Variants in PLCB4 observed in about 807,000 individuals in gnomAD.
PLCB4 encodes the protein 1-phosphatidylinositol 4,5-bisphosphate phosphodiesterase beta-4.
PLCB4 carries 77 observed loss-of-function variants against 178.8 expected under a neutral mutation model. That is an observed-to-expected ratio of 0.43 (90% confidence interval 0.36 to 0.52). The LOEUF is 0.52. PLCB4 is among the 20% of genes least tolerant of loss of function. PLCB4 has a pLI of 0.00. For missense variants in PLCB4, 1,024 were observed against 1,453.4 expected, an observed-to-expected ratio of 0.70 and a Z score of 4.80; for synonymous variants, 496 against 490.8, an observed-to-expected ratio of 1.01 and a Z score of -0.14.
At chr20:9,415,920 A>T (rs2040211951) in intron 25 of PLCB4, among the ~76,000 whole-genome samples, 1 of 152,132 alleles carries the variant, frequency 6.6e-6, no homozygotes, top group Admixed American at 6.6e-5. Flanking sequence ...CACAGCCACC[A>T]GGGATATGAG....
At chr20:9,362,839 G>A in intron 7 of PLCB4, 57 bp from the exon 8 acceptor site, 2 of 1,042,746 alleles carry the variant, frequency 1.9e-6, no homozygotes, top group Non-Finnish European at 3.0e-6. Context: ...AATAAAAACT[G>A]CTCTATTTGA....
intron 1 of PLCB4, among the ~76,000 whole-genome samples, chr20:9,079,480 C>T (rs1204517053): frequency 6.6e-6 from 1 of 152,180 alleles, no homozygotes; most frequent in Non-Finnish European, 1.5e-5. Context: ...ATATATATAC[C>T]TTCCTCACTC....
chr20:9,452,311 C>CA (rs2122280656), intron 32 of PLCB4, among the ~76,000 whole-genome samples: 1 of 152,184 alleles, frequency 6.6e-6, no homozygotes, highest in East Asian at 1.9e-4. Context: ...TCAAGCCTAC[C>CA]TTAGAAAGAA....
chr20:9,139,992 G>C (rs999883695), intron 2 of PLCB4, among the ~76,000 whole-genome samples: 1 of 152,082 alleles, frequency 6.6e-6, no homozygotes, highest in Non-Finnish European at 1.5e-5. Context: ...TTCCTCTGAG[G>C]CTTGAGATAA....
intron 39 of PLCB4, among the ~76,000 whole-genome samples, chr20:9,478,170 C>T (rs1285984162): frequency 6.6e-6 from 1 of 152,160 alleles, no homozygotes; most frequent in African/African-American, 2.4e-5. Flanking sequence ...AAGTATTTCT[C>T]ACCAGACACT....
chr20:9,478,793 T>G, intron 39 of PLCB4, 128 bp from the exon 40 acceptor site: 1 of 709,358 alleles, frequency 1.4e-6, no homozygotes, highest in Admixed American at 2.1e-5. Flanking sequence ...TGCTTGTACA[T>G]GGACCATATT....
rs934057690 is a variant in PLCB4, at chr20:9,476,892, C to T, written c.3532+139C>T. 1.8e-5 allele frequency: 11 copies of T among 608,954 alleles called. No homozygotes were observed. In the Admixed American group the frequency reaches 2.2e-4, roughly 12 times the overall value. The allele number at this position is 608,954 out of a possible 1,614,324, so 37.7% of individuals were successfully genotyped here. A position where few individuals can be genotyped will look rare whatever the true frequency, so the allele number is the denominator to read the frequency against. On this transcript the variant is annotated intron_variant, in intron 39 of 39. Coordinates refer to ENST00000378473, the MANE Select transcript of PLCB4 (RefSeq NM_001377142.1). ...TTTGGATTTAAAAGCTTGACTATTC[C>T]ATGCTTGGATTTCTGATGTCATATT...
At chr20:9,099,550 G>C (rs564260241) in intron 2 of PLCB4, among the ~76,000 whole-genome samples, 1 of 152,002 alleles carries the variant, frequency 6.6e-6, no homozygotes, top group Non-Finnish European at 1.5e-5. Flanking sequence ...TGTGGCTAGA[G>C]GGCAGCACAT....
At chr20:9,070,115 C>T (rs2089490551) in intron 1 of PLCB4, among the ~76,000 whole-genome samples, 1 of 151,780 alleles carries the variant, frequency 6.6e-6, no homozygotes, top group South Asian at 2.1e-4. Context: ...TTCTTTTTGT[C>T]TGGAAATAAC....
chr20:9,238,085 C>T (rs992679646), intron 3 of PLCB4, among the ~76,000 whole-genome samples: 3 of 152,122 alleles, frequency 2.0e-5, no homozygotes, highest in African/African-American at 7.2e-5. Flanking sequence ...ACTTGGACAC[C>T]ACTGGGGAGG....
chr20:9,434,918 A>G (rs141674041), intron 28 of PLCB4, among the ~76,000 whole-genome samples: 1 of 152,350 alleles, frequency 6.6e-6, no homozygotes, highest in African/African-American at 2.4e-5. Flanking sequence ...TAAATTGTGC[A>G]CGATTATATG....
At chr20:9,290,739 C>T (rs747146805) in intron 3 of PLCB4, among the ~76,000 whole-genome samples, 2 of 151,986 alleles carry the variant, frequency 1.3e-5, no homozygotes, top group Non-Finnish European at 2.9e-5. Flanking sequence ...ATGTGGCTTT[C>T]ATTTTTTCAT....
In PLCB4 at chr20:9,423,736, T is replaced by C. The variant is rs2040809371; in HGVS notation, c.2320-12T>C. 6.2e-7 allele frequency: 1 copy of C among 1,610,090 alleles called. No individual in the cohort carries two copies. The highest frequency in any genetic ancestry group is 8.5e-7 in the Non-Finnish European group (1 of 1,176,862). ...ATTGGAAAAATCAGTGAAAGTCCTG[T>C]TCTGTTTGCAGGTGATCCTGCCGGA... On this transcript the variant is annotated splice_polypyrimidine_tract_variant and intron_variant, in intron 27 of 39. Coordinates refer to ENST00000378473, the MANE Select transcript of PLCB4 (RefSeq NM_001377142.1).
rs773348219 is a variant in PLCB4, at chr20:9,437,126, T to C, written c.2738T>C (p.Leu913Pro). ...SELRPTTTAA[L>P]ASGVEAKKGI... The stretch of plus-strand genomic sequence containing the variant: ...CTCAGACCAACCACCACGGCTGCCC[T>C]GGCCTCTGGTGTGGAAGCCAAGAAA... The change falls in exon 30 of 40, where the codon CTG (leucine) becomes CCG (proline). Residue 913 changes from leucine (L) to proline (P), a missense_variant. Physicochemically the swap from Leu to Pro is moderately conservative, Grantham distance 98. Coordinates refer to ENST00000378473, the MANE Select transcript of PLCB4 (RefSeq NM_001377142.1). 3.1e-6 allele frequency: 5 copies of C among 1,614,040 alleles called. No individual in the cohort carries two copies. The highest frequency in any genetic ancestry group is 4.2e-6 in the Non-Finnish European group (5 of 1,179,964).
At position 9,253,397 on chromosome 20, in the gene PLCB4, A is replaced by C. The variant is rs1338068150; in HGVS notation, c.-16+35945A>C. 1.1e-4 allele frequency among the ~76,000 whole-genome samples: 17 copies of C among 152,136 alleles called. 1 individual carries two copies. The highest frequency in any genetic ancestry group is 2.2e-4 in the Non-Finnish European group (15 of 68,024). ...TTCCTCGTTCTCCAGGTAGCAAACA[A>C]GGTAGGGCTCCTGCTCTGTGCTGAT... is the stretch of plus-strand genomic sequence containing the variant. On this transcript the variant is annotated intron_variant, in intron 3 of 39. Coordinates refer to ENST00000378473, the MANE Select transcript of PLCB4 (RefSeq NM_001377142.1).
At chr20:9,282,451 A>C (rs1022889989) in intron 3 of PLCB4, among the ~76,000 whole-genome samples, 1 of 151,868 alleles carries the variant, frequency 6.6e-6, no homozygotes, top group Non-Finnish European at 1.5e-5. Flanking sequence ...TTATACCCCC[A>C]TACTCACACC....
chr20:9,409,314 T>G, intron 24 of PLCB4, 133 bp downstream of exon 24: 1 of 601,166 alleles, frequency 1.7e-6, no homozygotes, highest in Non-Finnish European at 2.7e-6. Context: ...TGTTATTGGA[T>G]TTATATAATG....
Position 9,384,391 on chromosome 20 carries a change from G to C in PLCB4, c.1044G>C (p.Gln348His). ...AGTCTTCGGTAGAAATGTACAGACA[G>C]GTTCTCCTGGCTGGTTGCAGGTGAG... is the stretch of plus-strand genomic sequence containing the variant. ...GGKSSVEMYR[Q>H]VLLAGCRCVE... Residue 348 changes from glutamine (Q) to histidine (H), a missense_variant, in exon 14 of 40, where the codon CAG becomes CAC. This residue lies in a region of PLCB4 where 263 missense variants were observed against 417.4 expected (regional missense o/e 0.63). Coordinates refer to ENST00000378473, the MANE Select transcript of PLCB4 (RefSeq NM_001377142.1). The C allele has an allele frequency of 6.2e-7, 1 of 1,614,030 alleles. No homozygotes were observed. The highest frequency in any genetic ancestry group is 1.1e-5 in the South Asian group (1 of 91,082).
intron 34 of PLCB4, 128 bp from the exon 35 acceptor site, chr20:9,459,507 A>T: frequency 1.8e-6 from 1 of 561,522 alleles, no homozygotes; most frequent in Non-Finnish European, 3.2e-6. Flanking sequence ...TTTGGTGGTT[A>T]TAGGTGTCTC....
Sources: gnomAD v4.1 joint callset for allele counts (sites outside exome capture counted in the v4.1 genomes callset) on GRCh38, gnomAD v4.1.1 for gene constraint, gnomAD v4.1.1 regional missense constraint, MANE v1.5 for transcripts, NCBI Gene and HGNC (gene_info 2026-07-23, HGNC 2026-07-21) for gene names.